Variants in TIGD1 observed in about 807,000 individuals in gnomAD.
TIGD1 encodes tigger transposable element-derived protein 1.
In TIGD1, 20 loss-of-function variants were observed where a neutral mutation model predicts 21.3. The observed-to-expected ratio is 0.94, with a 90% confidence interval of 0.66 to 1.36. The LOEUF is 1.36. TIGD1 is among the 40% of genes most tolerant of loss of function. The pLI is 0.00. For synonymous variants in TIGD1, 177 were observed against 123.2 expected (o/e 1.44, Z -2.89); for missense variants, 556 against 350.5 (o/e 1.59, Z -4.68).
Position 232,548,197 on chromosome 2 carries a change from T to C in TIGD1, c.1686A>G (p.Ala562=), listed in dbSNP as rs1342202327. ...RKLPQPPQPS[A]ATTLTSQQPS... ...GTTGCTGACTGGTCAGGGTGGTGGC[T>C]GCTGAAGGTTGGGGTGGCTGTGGCA... The change falls in exon 1 of 1, where the codon GCA becomes GCG. Residue 562 remains alanine, a synonymous_variant. Transcript: ENST00000408957. 1.3e-6 allele frequency: 2 copies of C among 1,536,552 alleles called. No individual in the cohort carries two copies. The highest frequency in any genetic ancestry group is 1.4e-5 in the African/African-American group (1 of 72,992).
chr2:232,550,554 C>T lies in TIGD1; in HGVS notation c.-672G>A. ...CAGCTCCGCCGCTGAGTCCAGCCCTCTGCGCAGCCGCCCTGAGCTGGCGTC... is the reference window on the plus strand; with the variant it reads ...CAGCTCCGCCGCTGAGTCCAGCCCTTTGCGCAGCCGCCCTGAGCTGGCGTC... On this transcript the variant is annotated 5_prime_UTR_variant, in exon 1 of 1. Transcript: ENST00000408957. The T allele has an allele frequency of 1.2e-6, 1 of 860,380 alleles. No individual in the cohort carries two copies. 53.3% of individuals were successfully genotyped at this position (860,380 alleles called of 1,614,324 possible).
Position 232,547,921 on chromosome 2 carries a change from A to G in TIGD1, c.*186T>C. On this transcript the variant is annotated 3_prime_UTR_variant, in exon 1 of 1. Transcript: ENST00000408957. ...AGGTAGGTCGAGGCATACCTCAAAGACATTGCAGGTTCAGTTCCAGACCAA... is the reference window on the plus strand; with the variant it reads ...AGGTAGGTCGAGGCATACCTCAAAGGCATTGCAGGTTCAGTTCCAGACCAA... 2.3e-6 allele frequency: 1 copy of G among 441,314 alleles called. No homozygotes were observed. 27.3% of individuals were successfully genotyped at this position (441,314 alleles called of 1,614,324 possible). A position where few individuals can be genotyped will look rare whatever the true frequency, so the allele number is the denominator to read the frequency against.
Position 232,544,886 on chromosome 2 carries a change from A to T in TIGD1, c.*3221T>A. ...CTCATTGCCTGTGCCCGGCACCAGC[A>T]GAGTCACTTTGACAATGTAAGCTGA... is the stretch of plus-strand genomic sequence containing the variant. On this transcript the variant is annotated 3_prime_UTR_variant, in exon 1 of 1. Coordinates refer to ENST00000408957, the MANE Select transcript of TIGD1 (RefSeq NM_145702.4). 1 of 1,614,052 alleles carries T rather than the reference A, an allele frequency of 6.2e-7. No homozygotes were observed. Among genetic ancestry groups the T allele is most frequent in the Non-Finnish European group, 8.5e-7 (1 of 1,180,022 alleles).
Position 232,549,892 on chromosome 2 carries a change from A to T in TIGD1, c.-10T>A. On this transcript the variant is annotated 5_prime_UTR_variant, in exon 1 of 1. An upstream start codon of the reference 5' UTR is lost. Transcript: ENST00000408957. ...AGCACTTAGAGGCCATTGCAGAGTC[A>T]TTAATTCGCCTAATCTCAATATTGT... 1 of 1,362,612 alleles carries T rather than the reference A, an allele frequency of 7.3e-7. No homozygotes were observed. The highest frequency in any genetic ancestry group is 1.5e-5 in the South Asian group (1 of 67,808). The allele number at this position is 1,362,612 out of a possible 1,614,324, so 84.4% of individuals were successfully genotyped here. A position where few individuals can be genotyped will look rare whatever the true frequency, so the allele number is the denominator to read the frequency against.
At position 232,546,760 on chromosome 2, in the gene TIGD1, G is replaced by A. The variant is rs545426222; in HGVS notation, c.*1347C>T. On this transcript the variant is annotated 3_prime_UTR_variant, in exon 1 of 1. Coordinates refer to ENST00000408957, the MANE Select transcript of TIGD1 (RefSeq NM_145702.4). ...CACACAACAGTGGTGGTTAAACAAG[G>A]TTTGAAGTCCAGAATTCCTGACTCT... 1.3e-5 allele frequency among the ~76,000 whole-genome samples: 2 copies of A among 152,076 alleles called. No homozygotes were observed. The highest frequency in any genetic ancestry group is 2.9e-5 in the Non-Finnish European group (2 of 68,000).
chr2:232,545,677 C>A lies in TIGD1; in HGVS notation c.*2430G>T. On this transcript the variant is annotated 3_prime_UTR_variant, in exon 1 of 1. Coordinates refer to ENST00000408957, the MANE Select transcript of TIGD1 (RefSeq NM_145702.4). The stretch of plus-strand genomic sequence containing the variant: ...ACAACCGGGTGCCGGCCCTGCCATT[C>A]CCTGGAGATCCACGCCCCTACCTGC... 1 of 1,614,192 alleles carries A rather than the reference C, an allele frequency of 6.2e-7. No individual in the cohort carries two copies.
rs2106223422 is a variant in TIGD1, at chr2:232,545,252, A to C, written c.*2855T>G. Among the ~76,000 whole-genome samples the C allele has an allele frequency of 6.6e-6, 1 of 151,810 alleles. No homozygotes were observed. The highest frequency in any genetic ancestry group is 2.4e-5 in the African/African-American group (1 of 41,432). On this transcript the variant is annotated 3_prime_UTR_variant, in exon 1 of 1. Transcript: ENST00000408957. ...AACCTGGGAGGCGGAGGTTGCAGTG[A>C]GCCAAGCCAAGATCGCACCACTGCA...
rs1692255185 is a variant in TIGD1, at chr2:232,550,322, C to G, written c.-440G>C. 1 of 343,042 alleles carries G rather than the reference C, an allele frequency of 2.9e-6. No individual in the cohort carries two copies. Among genetic ancestry groups the G allele is most frequent in the Non-Finnish European group, 5.6e-6 (1 of 178,578 alleles). The allele number at this position is 343,042 out of a possible 1,614,324, so 21.2% of individuals were successfully genotyped here. A position where few individuals can be genotyped will look rare whatever the true frequency, so the allele number is the denominator to read the frequency against. On this transcript the variant is annotated 5_prime_UTR_variant, in exon 1 of 1. Transcript: ENST00000408957. ...GCCGCGACCGACAAAGGAAAGCCTC[C>G]GGGAGGTCAAAAGAGATACCAGAGA...
In TIGD1 at chr2:232,550,235, T is replaced by C. The variant is rs1036915176; in HGVS notation, c.-353A>G. On this transcript the variant is annotated 5_prime_UTR_variant, in exon 1 of 1. Transcript: ENST00000408957. The stretch of plus-strand genomic sequence containing the variant: ...CTCAGGGCTGCCACAAACCCTCCAT[T>C]TGTTTTCAGAATGCCCTATCTGCGA... 2 of 293,944 alleles carry C rather than the reference T, an allele frequency of 6.8e-6. No homozygotes were observed. Among genetic ancestry groups the C allele is most frequent in the Admixed American group, 5.3e-5 (1 of 18,856 alleles). The allele number at this position is 293,944 out of a possible 1,614,324, so 18.2% of individuals were successfully genotyped here. A position where few individuals can be genotyped will look rare whatever the true frequency, so the allele number is the denominator to read the frequency against.
Position 232,547,470 on chromosome 2 carries a change from A to C in TIGD1, c.*637T>G, listed in dbSNP as rs755043688. On this transcript the variant is annotated 3_prime_UTR_variant, in exon 1 of 1. Transcript: ENST00000408957. ...AAAAAGAAAAGTGAAAGTGCCACAT[A>C]AAGGCCTGACGACAGGATATGCTGG... Among the ~76,000 whole-genome samples the C allele has an allele frequency of 3.3e-5, 5 of 152,218 alleles. No homozygotes were observed. The highest frequency in any genetic ancestry group is 7.3e-5 in the Non-Finnish European group (5 of 68,032).
Position 232,548,959 on chromosome 2 carries a change from T to G in TIGD1, c.924A>C (p.Pro308=). The G allele has an allele frequency of 1.5e-6, 1 of 687,642 alleles. No homozygotes were observed. Among genetic ancestry groups the G allele is most frequent in the Non-Finnish European group, 2.7e-6 (1 of 375,104 alleles). 42.6% of individuals were successfully genotyped at this position (687,642 alleles called of 1,614,324 possible). A position where few individuals can be genotyped will look rare whatever the true frequency, so the allele number is the denominator to read the frequency against. The change falls in exon 1 of 1, where the codon CCA becomes CCC. Residue 308 remains proline, a synonymous_variant. Coordinates refer to ENST00000408957, the MANE Select transcript of TIGD1 (RefSeq NM_145702.4). ...LLLIDNAPSH[P]RALMEIYEEI... ...CCTCGTATATCTCCATCAGAGCTCT[T>G]GGATGACTAGGGGCATTGTCAATGA...
chr2:232,544,249 C>T lies in TIGD1; in HGVS notation c.*3858G>A, dbSNP rs771495772. On this transcript the variant is annotated 3_prime_UTR_variant, in exon 1 of 1. Transcript: ENST00000408957. ...AGTATAGAAAGCTTTACCAAGGCCA[C>T]GTCACTGCCCCGGTATGCTGCCTCC... 1.5e-4 allele frequency: 123 copies of T among 826,814 alleles called. No homozygotes were observed. The highest frequency in any genetic ancestry group is 2.3e-4 in the Non-Finnish European group (109 of 477,254). The allele number at this position is 826,814 out of a possible 1,614,324, so 51.2% of individuals were successfully genotyped here.
Position 232,546,308 on chromosome 2 carries a change from C to CT in TIGD1, c.*1798dup, listed in dbSNP as rs57021172. On this transcript the variant is annotated 3_prime_UTR_variant, in exon 1 of 1. Coordinates refer to ENST00000408957, the MANE Select transcript of TIGD1 (RefSeq NM_145702.4). Reference sequence around the variant, plus strand: ...ACGATTTCCTGAGTTTTGTAATCCTCTTTTTTTTTTTTTTTTTTTTAGTTT... The same window carrying CT: ...ACGATTTCCTGAGTTTTGTAATCCTCTTTTTTTTTTTTTTTTTTTTTAGTTT... The CT allele has an allele frequency of 0.023, 2,220 of 94,816 alleles. 45 individuals carry two copies. The highest frequency in any genetic ancestry group is 0.057 in the African/African-American group (1,491 of 26,136). The allele number at this position is 94,816 out of a possible 1,614,324, so 5.9% of individuals were successfully genotyped here.
In TIGD1 at chr2:232,544,059, C is replaced by G. The variant is rs1368012579; in HGVS notation, c.*4048G>C. ...CCAGTCTGTGTGATCTGTAGCCCAC[C>G]TGCAGCCTTCAGCTTGGGCCCTTGT... On this transcript the variant is annotated 3_prime_UTR_variant, in exon 1 of 1. Coordinates refer to ENST00000408957, the MANE Select transcript of TIGD1 (RefSeq NM_145702.4). 6.6e-6 allele frequency among the ~76,000 whole-genome samples: 1 copy of G among 152,210 alleles called. No homozygotes were observed. Among genetic ancestry groups the G allele is most frequent in the African/African-American group, 2.4e-5 (1 of 41,450 alleles).
At position 232,545,561 on chromosome 2, in the gene TIGD1, C is replaced by T. The variant is rs771657153; in HGVS notation, c.*2546G>A. ...CCCTCAGGGGAATGAGGAGTGGTTCCTGGTGGGCCGAGTGCTGGACCGCGT... is the reference window on the plus strand; with the variant it reads ...CCCTCAGGGGAATGAGGAGTGGTTCTTGGTGGGCCGAGTGCTGGACCGCGT... On this transcript the variant is annotated 3_prime_UTR_variant, in exon 1 of 1. Transcript: ENST00000408957. The T allele has an allele frequency of 6.2e-7, 1 of 1,613,964 alleles. No individual in the cohort carries two copies. The highest frequency in any genetic ancestry group is 1.1e-5 in the South Asian group (1 of 91,068).
chr2:232,549,206 T>G lies in TIGD1; in HGVS notation c.677A>C (p.Asn226Thr). 2.9e-6 allele frequency: 2 copies of G among 694,594 alleles called. No individual in the cohort carries two copies. Among genetic ancestry groups the G allele is most frequent in the Non-Finnish European group, 2.6e-6 (1 of 378,960 alleles). The allele number at this position is 694,594 out of a possible 1,614,324, so 43.0% of individuals were successfully genotyped here. A position where few individuals can be genotyped will look rare whatever the true frequency, so the allele number is the denominator to read the frequency against. Reference sequence around the variant, plus strand: ...CTTCAACTTAAAGTCACCAGCTGCATTAGCCCCTAACAAGAGAGTCAGCCT... The same window carrying G: ...CTTCAACTTAAAGTCACCAGCTGCAGTAGCCCCTAACAAGAGAGTCAGCCT... ...KDRLTLLLGA[N>T]AAGDFKLKPM... Residue 226 changes from asparagine to threonine, a missense_variant, in exon 1 of 1, where the codon AAT becomes ACT. By Grantham distance (65) the Asn-to-Thr change is moderately conservative (BLOSUM62 0). Coordinates refer to ENST00000408957, the MANE Select transcript of TIGD1 (RefSeq NM_145702.4).
chr2:232,546,814 G>A lies in TIGD1; in HGVS notation c.*1293C>T, dbSNP rs763766974. The stretch of plus-strand genomic sequence containing the variant: ...CCAATCTGACACTCTAAGATTCTAC[G>A]GCCTGAAAAACAGGCCCTTCTTCCC... On this transcript the variant is annotated 3_prime_UTR_variant, in exon 1 of 1. Transcript: ENST00000408957. Among the ~76,000 whole-genome samples the A allele has an allele frequency of 4.6e-5, 7 of 152,172 alleles. No individual in the cohort carries two copies. The highest frequency in any genetic ancestry group is 7.4e-5 in the Non-Finnish European group (5 of 68,004).
Position 232,548,298 on chromosome 2 carries a change from A to G in TIGD1, c.1585T>C (p.Cys529Arg). 1.3e-6 allele frequency: 2 copies of G among 1,522,746 alleles called. No homozygotes were observed. Among genetic ancestry groups the G allele is most frequent in the African/African-American group, 2.7e-5 (2 of 72,812 alleles). The allele number at this position is 1,522,746 out of a possible 1,614,324, so 94.3% of individuals were successfully genotyped here. The stretch of plus-strand genomic sequence containing the variant: ...CTTTCATGAAAGATTTCTCTGTAGC[A>G]TGCGATGCTGTTTGATAGCATTTTG... ...VGKMLSNSIACYREIFHERKS... is the reference protein window; with the variant it reads ...VGKMLSNSIARYREIFHERKS... Residue 529 changes from cysteine (C) to arginine (R), a missense_variant, in exon 1 of 1, where the codon TGC (cysteine) becomes CGC (arginine). By Grantham distance (180) the Cys-to-Arg change is radical. Coordinates refer to ENST00000408957, the MANE Select transcript of TIGD1 (RefSeq NM_145702.4).
rs1284148118 is a variant in TIGD1 at position 232,545,622 on chromosome 2, G to A, written c.*2485C>T. ...GCCATGCTCTCGCTCTTCATCTGTG[G>A]CACAGCTGGCATCTTCCTCATGGCC... On this transcript the variant is annotated 3_prime_UTR_variant, in exon 1 of 1. Coordinates refer to ENST00000408957, the MANE Select transcript of TIGD1 (RefSeq NM_145702.4). The A allele has an allele frequency of 5.0e-6, 8 of 1,613,952 alleles. No individual in the cohort carries two copies. The East Asian group carries it at 6.7e-5, about 13-fold the overall frequency.
Sources: allele counts gnomAD v4.1 joint callset (sites outside exome capture counted in the v4.1 genomes callset), GRCh38; gene constraint gnomAD v4.1.1; transcripts MANE v1.5; gene names NCBI Gene and HGNC (gene_info 2026-07-23, HGNC 2026-07-21).